Variants in CUBN observed in about 807,000 individuals in gnomAD.
CUBN encodes 460 kDa receptor.
CUBN carries 282 observed loss-of-function variants against 405.3 expected under a neutral mutation model. The observed-to-expected ratio is 0.70, with a 90% CI of 0.63 to 0.77. The LOEUF (loss-of-function observed/expected upper bound fraction) is 0.77. Ranked by LOEUF, CUBN falls within the 30% of genes least tolerant of loss-of-function variation. CUBN has a pLI of 0.00. For missense variants in CUBN, 4,514 were observed against 4,475.2 expected (o/e 1.01, Z -0.25); for synonymous variants, 1,684 against 1,617.0 (o/e 1.04, Z -0.99).
rs150574128 is a variant in CUBN at position 16,978,675 on chromosome 10, T to C, written c.4695+3809A>G. Among the ~76,000 whole-genome samples the C allele has an allele frequency of 4.3e-3, 654 of 152,284 alleles. 6 individuals are homozygous for C. Among genetic ancestry groups the C allele is most frequent in the African/African-American group, 0.015 (621 of 41,562 alleles). ...GTAGGAAACTATCAGGACACTAACA[T>C]TGAAAGATCCAGTAACCAAGAGAAT... is the stretch of plus-strand genomic sequence containing the variant. On this transcript the variant is annotated intron_variant, in intron 31 of 66. Coordinates refer to ENST00000377833, the MANE Select transcript of CUBN (RefSeq NM_001081.4).
rs966889248 is a variant in CUBN, at chr10:17,004,494, C to T, written c.4169-13979G>A. Among the ~76,000 whole-genome samples the T allele has an allele frequency of 1.3e-5, 2 of 152,126 alleles. 1 individual carries two copies. The highest frequency in any genetic ancestry group is 3.9e-4 in the East Asian group (2 of 5,184). On this transcript the variant is annotated intron_variant, in intron 28 of 66. Coordinates refer to ENST00000377833, the MANE Select transcript of CUBN (RefSeq NM_001081.4). ...TTCAGCATGTTCAAATAGAAGCTCA[C>T]AATTTTCCCCCAAACATGGTCTTTA... is the stretch of plus-strand genomic sequence containing the variant.
intron 57 of CUBN, among the ~76,000 whole-genome samples, chr10:16,875,225 A>G (rs1840464568): frequency 6.6e-6 from 1 of 152,112 alleles, no homozygotes; most frequent in African/African-American, 2.4e-5. Context: ...ATTAGTCAAT[A>G]AAACGACAGA....
intron 7 of CUBN, 129 bp downstream of exon 7, chr10:17,115,342 T>C (rs2131313839): frequency 9.0e-7 from 1 of 1,109,108 alleles, no homozygotes; most frequent in Non-Finnish European, 1.3e-6. Flanking sequence ...GCCTATGTCC[T>C]ACTTACAGAC....
chr10:17,126,851 A>G (rs772427902), intron 3 of CUBN, 52 bp from the exon 4 acceptor site: 4 of 1,572,046 alleles, frequency 2.5e-6, no homozygotes, highest in Middle Eastern at 1.7e-4. Flanking sequence ...GGCATTGCAC[A>G]TGTGATGTTA....
intron 22 of CUBN, among the ~76,000 whole-genome samples, chr10:17,065,002 C>G (rs1031264662): frequency 3.9e-5 from 6 of 152,056 alleles, no homozygotes; most frequent in Non-Finnish European, 5.9e-5. Flanking sequence ...AGTATTCAGT[C>G]TCTTTGGTAA....
At chr10:17,117,783 T>G (rs185515733) in intron 6 of CUBN, among the ~76,000 whole-genome samples, 353 of 152,288 alleles carry the variant, frequency 2.3e-3, no homozygotes, top group African/African-American at 7.9e-3. Flanking sequence ...GTCTGGGAGA[T>G]CTGAGTGTTT....
At chr10:16,973,807 A>C (rs1833009103) in intron 31 of CUBN, among the ~76,000 whole-genome samples, 1 of 152,154 alleles carries the variant, frequency 6.6e-6, no homozygotes, top group African/African-American at 2.4e-5. Flanking sequence ...CATGTTGCTG[A>C]AAAGGACATG....
Position 16,933,263 on chromosome 10 carries a change from C to T in CUBN, c.5948G>A (p.Arg1983Lys). ...IAPGACGGFL[R>K]TGDAPVFLFS... ...GAGAAACACGGGTGCATCTCCCGTC[C>T]TCAGGAAGCCACCACAAGCACCTGT... is the stretch of plus-strand genomic sequence containing the variant. The change falls in exon 40 of 67, where the codon AGG (arginine) becomes AAG (lysine). Residue 1983 changes from arginine to lysine, a missense_variant. By Grantham distance (26) the Arg-to-Lys change is conservative. Transcript: ENST00000377833. 1 of 1,613,706 alleles carries T rather than the reference C, an allele frequency of 6.2e-7. No homozygotes were observed. Among genetic ancestry groups the T allele is most frequent in the Non-Finnish European group, 8.5e-7 (1 of 1,179,982 alleles).
At chr10:16,911,611 T>G (rs1841737251) in intron 48 of CUBN, among the ~76,000 whole-genome samples, 1 of 152,236 alleles carries the variant, frequency 6.6e-6, no homozygotes, top group Non-Finnish European at 1.5e-5. Flanking sequence ...GTAACTTTTA[T>G]TTGAGATCTA....
intron 59 of CUBN, 28 bp downstream of exon 59, chr10:16,869,608 A>T (rs371772759): frequency 2.6e-6 from 4 of 1,532,346 alleles, no homozygotes; most frequent in Non-Finnish European, 3.6e-6. Context: ...AGTCCTGACA[A>T]ATAGATTTAC....
At position 16,920,077 on chromosome 10, in the gene CUBN, T is replaced by C. The variant is rs778740948; in HGVS notation, c.6707A>G (p.Asn2236Ser). The part of the protein sequence containing the change: ...ADSAGYVTSP[N>S]HPHNYPPHAD... ...GTGCGGGGGATAATTATGAGGGTGGTTGGGGGAGGTCACATACCCAGCAGA... is the reference window on the plus strand; with the variant it reads ...GTGCGGGGGATAATTATGAGGGTGGCTGGGGGAGGTCACATACCCAGCAGA... The change falls in exon 44 of 67, where the codon AAC becomes AGC. Residue 2236 changes from asparagine (N) to serine (S), a missense_variant. Physicochemically the swap from Asn to Ser is conservative, Grantham distance 46. Around this residue, in one of 5 missense-constraint regions of CUBN, gnomAD observed 1,613 missense variants for 1,542.8 expected, o/e 1.05. Coordinates refer to ENST00000377833, the MANE Select transcript of CUBN (RefSeq NM_001081.4). 31 of 1,613,816 alleles carry C rather than the reference T, an allele frequency of 1.9e-5. No homozygotes were observed. Among genetic ancestry groups the C allele is most frequent in the African/African-American group, 4.0e-5 (3 of 74,868 alleles).
chr10:17,032,316 A>C (rs1440470233), intron 27 of CUBN, among the ~76,000 whole-genome samples: 16 of 152,184 alleles, frequency 1.1e-4, no homozygotes, highest in Admixed American at 1.0e-3. Context: ...TACACACGAG[A>C]GAACCAAAGC....
intron 35 of CUBN, among the ~76,000 whole-genome samples, chr10:16,947,857 T>C (rs1459417082): frequency 1.3e-5 from 2 of 152,190 alleles, no homozygotes; most frequent in Non-Finnish European, 2.9e-5. Context: ...AGAAACCCAG[T>C]CCTGGGTAGC....
At chr10:17,090,994 C>T (rs553149109) in intron 14 of CUBN, among the ~76,000 whole-genome samples, 67 of 152,206 alleles carry the variant, frequency 4.4e-4, no homozygotes, top group Non-Finnish European at 8.1e-4. Context: ...AATAGCCATC[C>T]GTAGCACCCA....
chr10:16,998,821 A>C (rs1002426814), intron 28 of CUBN, among the ~76,000 whole-genome samples: 4 of 152,248 alleles, frequency 2.6e-5, no homozygotes, highest in African/African-American at 9.6e-5. Context: ...AGCAGCAAAT[A>C]CAGGGCCAGG....
chr10:17,075,573 C>T lies in CUBN; in HGVS notation c.2302-3602G>A, dbSNP rs138855929. Among the ~76,000 whole-genome samples the T allele has an allele frequency of 2.7e-3, 414 of 152,228 alleles. 6 individuals are homozygous for T. Among genetic ancestry groups the T allele is most frequent in the African/African-American group, 9.6e-3 (397 of 41,540 alleles). On this transcript the variant is annotated intron_variant, in intron 17 of 66. Transcript: ENST00000377833. ...GCAGGAAAAGACATATACAGATCCA[C>T]ATCAAAGTCTGCTCTATAATAACAA...
chr10:16,965,329 A>C (rs538231658), intron 31 of CUBN, among the ~76,000 whole-genome samples: 2 of 152,312 alleles, frequency 1.3e-5, no homozygotes, highest in South Asian at 4.1e-4. Context: ...CTGAGCATAC[A>C]TTTTTAAATT....
At chr10:16,952,819 G>T (rs957215983) in intron 32 of CUBN, among the ~76,000 whole-genome samples, 3 of 152,176 alleles carry the variant, frequency 2.0e-5, no homozygotes, top group African/African-American at 7.2e-5. Context: ...AGCAAAATTC[G>T]ATGTGAGTCT....
intron 41 of CUBN, among the ~76,000 whole-genome samples, chr10:16,927,189 T>C: frequency 6.6e-6 from 1 of 152,024 alleles, no homozygotes; most frequent in East Asian, 1.9e-4. Flanking sequence ...TGTATGTATG[T>C]ATAATGAGTT....
Sources: gnomAD v4.1 joint callset for allele counts (sites outside exome capture counted in the v4.1 genomes callset) on GRCh38, gnomAD v4.1.1 for gene constraint, gnomAD v4.1.1 regional missense constraint, MANE v1.5 for transcripts, NCBI Gene and HGNC (gene_info 2026-07-23, HGNC 2026-07-21) for gene names.